The following DNAH12 variants were observed in gnomAD, a reference collection of about 807,000 sequenced individuals.
DNAH12 encodes the protein dynein axonemal heavy chain 12, also known as axonemal beta dynein heavy chain 12.
Under a neutral mutation model 371.5 loss-of-function variants are expected in DNAH12, and 285 were observed. The ratio of observed to expected loss-of-function variants is 0.77; its 90% CI spans 0.70 to 0.85. The LOEUF is 0.85. Ranked by LOEUF, DNAH12 falls within the 40% of genes least tolerant of loss-of-function variation. The pLI is 0.00. For missense variants in DNAH12, 3,611 were observed against 3,689.4 expected, an observed-to-expected ratio of 0.98 and a Z score of 0.55; for synonymous variants, 1,200 against 1,213.0, an observed-to-expected ratio of 0.99 and a Z score of 0.22.
At chr3:57,359,143 C>T (rs984277393) in intron 58 of DNAH12, among the ~76,000 whole-genome samples, 15 of 152,154 alleles carry the variant, frequency 9.9e-5, no homozygotes, top group Non-Finnish European at 2.2e-4. Context: ...TCTATGCATA[C>T]TTACAGTGTT....
intron 62 of DNAH12, among the ~76,000 whole-genome samples, chr3:57,330,516 G>C (rs996542633): frequency 7.1e-6 from 1 of 139,948 alleles, no homozygotes; most frequent in Admixed American, 8.1e-5. Context: ...CGAACAGTGA[G>C]AACACATGGA....
intron 13 of DNAH12, among the ~76,000 whole-genome samples, chr3:57,473,338 T>C (rs192784323): frequency 6.6e-6 from 1 of 152,190 alleles, no homozygotes; most frequent in East Asian, 1.9e-4. Flanking sequence ...AATACAAAAA[T>C]TAGCTGGGCT....
chr3:57,457,182 C>T (rs896456632), intron 22 of DNAH12, among the ~76,000 whole-genome samples: 3 of 152,110 alleles, frequency 2.0e-5, no homozygotes, highest in African/African-American at 7.2e-5. Context: ...GACTATGTCC[C>T]TTCCCTGATT....
At chr3:57,445,943 G>A (rs1049959783) in intron 27 of DNAH12, 88 bp downstream of exon 27, 12 of 1,281,912 alleles carry the variant, frequency 9.4e-6, no homozygotes, top group East Asian at 9.0e-5. Context: ...AGCCAAGATC[G>A]CGCCACTGCA....
chr3:57,358,396 G>A (rs1464388377), intron 58 of DNAH12, among the ~76,000 whole-genome samples: 2 of 151,426 alleles, frequency 1.3e-5, no homozygotes, highest in African/African-American at 2.4e-5. Context: ...ACACAGCCCC[G>A]GAGGTAGAGG....
chr3:57,506,577 G>C (rs182433233), intron 8 of DNAH12, among the ~76,000 whole-genome samples: 15 of 152,216 alleles, frequency 9.9e-5, no homozygotes, highest in Admixed American at 2.6e-4. Context: ...GAGTGGCTGA[G>C]ATTACAAGCA....
chr3:57,506,163 G>A (rs1300367731), intron 8 of DNAH12, among the ~76,000 whole-genome samples: 3 of 152,126 alleles, frequency 2.0e-5, no homozygotes, highest in Admixed American at 6.6e-5. Context: ...AAACAACATG[G>A]TAAAGACTGA....
chr3:57,503,394 G>GT (rs1256442215), intron 9 of DNAH12, among the ~76,000 whole-genome samples: 5,870 of 144,186 alleles, frequency 0.041, 227 homozygotes, highest in African/African-American at 0.097. Context: ...TTTATTATTG[G>GT]TTTTTTTTTT....
At chr3:57,404,821 T>C in intron 42 of DNAH12, 148 bp downstream of exon 42, 1 of 700,112 alleles carries the variant, frequency 1.4e-6, no homozygotes, top group South Asian at 4.0e-5. Flanking sequence ...GAATTTCAAA[T>C]AAATTACTAA....
At chr3:57,477,675 A>G (rs1288856144) in intron 13 of DNAH12, among the ~76,000 whole-genome samples, 1 of 152,160 alleles carries the variant, frequency 6.6e-6, no homozygotes, top group Non-Finnish European at 1.5e-5. Flanking sequence ...GGCACCCCCC[A>G]GTAGGGGCAG....
intron 4 of DNAH12, among the ~76,000 whole-genome samples, chr3:57,516,431 T>C (rs2068199707): frequency 6.6e-6 from 1 of 152,146 alleles, no homozygotes; most frequent in African/African-American, 2.4e-5. Context: ...TGGGCTGACC[T>C]CTGTCTAGCA....
At chr3:57,486,441 T>A (rs1199375145) in intron 12 of DNAH12, among the ~76,000 whole-genome samples, 1 of 151,434 alleles carries the variant, frequency 6.6e-6, no homozygotes, top group Non-Finnish European at 1.5e-5. Flanking sequence ...GAAATAGAAA[T>A]CGGTATTGTC....
rs1295089949 is a variant in DNAH12 at position 57,459,692 on chromosome 3, G to A, written c.2831C>T (p.Ser944Phe). ...TGGCATCTGTTGCATGATATCCTCA[G>A]AACAAAAGATGGGCTCTAAGTACAG... Reference protein sequence around the residue: ...QWLYLEPIFCSEDIMQQMPEE... With the variant: ...QWLYLEPIFCFEDIMQQMPEE... Residue 944 changes from serine to phenylalanine, a missense_variant, in exon 20 of 74, where the codon TCT becomes TTT. Coordinates refer to ENST00000495027, the MANE Select transcript of DNAH12 (RefSeq NM_001366028.2). 1.9e-6 allele frequency: 3 copies of A among 1,549,606 alleles called. No homozygotes were observed. The highest frequency in any genetic ancestry group is 2.4e-5 in the South Asian group (2 of 83,830).
At chr3:57,340,516 T>C (rs1465618412) in intron 60 of DNAH12, among the ~76,000 whole-genome samples, 4 of 152,104 alleles carry the variant, frequency 2.6e-5, no homozygotes, top group Non-Finnish European at 5.9e-5. Context: ...GAGACTATTA[T>C]AAACAATTAT....
At chr3:57,372,497 G>T (rs1575515657) in intron 55 of DNAH12, among the ~76,000 whole-genome samples, 1 of 151,658 alleles carries the variant, frequency 6.6e-6, no homozygotes, top group African/African-American at 2.4e-5. Context: ...ATTGTCTAAA[G>T]TAAAAATAAA....
intron 2 of DNAH12, among the ~76,000 whole-genome samples, chr3:57,541,353 T>C (rs2069275502): frequency 6.6e-6 from 1 of 152,102 alleles, no homozygotes; most frequent in Non-Finnish European, 1.5e-5. Flanking sequence ...CTTTTTCTTT[T>C]AAGACTATTT....
At chr3:57,323,908 A>T (rs915200293) in intron 62 of DNAH12, among the ~76,000 whole-genome samples, 1 of 152,196 alleles carries the variant, frequency 6.6e-6, no homozygotes, top group African/African-American at 2.4e-5. Flanking sequence ...TATAGCAGAG[A>T]TTGCATATTG....
At chr3:57,555,123 A>C in the DNAH12 span, among the ~76,000 whole-genome samples, 14 of 152,180 alleles carry the variant, frequency 9.2e-5, no homozygotes, top group African/African-American at 3.1e-4. Flanking sequence ...GTGTGCCTGT[A>C]GTCCCAGCTA....
chr3:57,472,812 C>A (rs2066405959), intron 13 of DNAH12, 141 bp from the exon 14 acceptor site: 2 of 842,446 alleles, frequency 2.4e-6, no homozygotes, highest in Non-Finnish European at 3.7e-6. Context: ...ATATATCACC[C>A]AAACCAGATG....
Sources: gnomAD v4.1 joint callset for allele counts (sites outside exome capture counted in the v4.1 genomes callset) on GRCh38, gnomAD v4.1.1 for gene constraint, MANE v1.5 for transcripts, NCBI Gene and HGNC (gene_info 2026-07-23, HGNC 2026-07-21) for gene names.